CNTNAP5: variants seen among roughly 807,000 people sequenced by gnomAD.
The protein encoded by CNTNAP5 is contactin associated protein family member 5.
A neutral mutation model predicts 150.2 loss-of-function variants in CNTNAP5; 72 were observed. The observed-to-expected ratio is 0.48, with a 90% CI of 0.40 to 0.58. The LOEUF (loss-of-function observed/expected upper bound fraction) is 0.58, where lower values mean the gene tolerates loss of function less well. Among genes scored for constraint, CNTNAP5 ranks in the 20% least tolerant of loss-of-function variants. The pLI is 0.00. For missense variants in CNTNAP5, 1,636 were observed against 1,626.2 expected, an observed-to-expected ratio of 1.01 and a Z score of -0.10; for synonymous variants, 672 against 619.8, an observed-to-expected ratio of 1.08 and a Z score of -1.25.
chr2:124,526,671 C>G (rs1265245700), intron 9 of CNTNAP5, among the ~76,000 whole-genome samples: 1 of 152,166 alleles, frequency 6.6e-6, no homozygotes, highest in African/African-American at 2.4e-5. Context: ...TTCCCATATG[C>G]TATTACAGCC....
intron 19 of CNTNAP5, among the ~76,000 whole-genome samples, chr2:124,847,136 G>A (rs1163809860): frequency 6.6e-6 from 1 of 152,172 alleles, no homozygotes; most frequent in East Asian, 1.9e-4. Context: ...ACACCTGGCT[G>A]AGTATTCAGG....
chr2:124,434,439 A>G, intron 4 of CNTNAP5, 45 bp from the exon 5 acceptor site: 1 of 1,399,720 alleles, frequency 7.1e-7, no homozygotes, highest in Non-Finnish European at 1.0e-6. Flanking sequence ...AGCAGTCATG[A>G]GAATATGCAC....
At chr2:124,402,485 A>G (rs1352225988) in intron 3 of CNTNAP5, among the ~76,000 whole-genome samples, 3 of 152,188 alleles carry the variant, frequency 2.0e-5, no homozygotes, top group African/African-American at 7.2e-5. Context: ...GAGAGCCTAT[A>G]CCCACACAAC....
chr2:124,610,594 T>C (rs1677357755), intron 12 of CNTNAP5, among the ~76,000 whole-genome samples: 1 of 152,118 alleles, frequency 6.6e-6, no homozygotes, highest in Non-Finnish European at 1.5e-5. Context: ...GGCTTAGAAA[T>C]GACATATGAT....
chr2:124,053,326 T>C (rs1175844818), intron 1 of CNTNAP5, among the ~76,000 whole-genome samples: 1 of 148,110 alleles, frequency 6.8e-6, no homozygotes, highest in Non-Finnish European at 1.5e-5. Flanking sequence ...TTCACCTCTT[T>C]CTATTTATTT....
rs768295897 is a variant in CNTNAP5, at chr2:124,471,717, T to C, written c.919-3022T>C. Among the ~76,000 whole-genome samples the C allele has an allele frequency of 2.0e-5, 3 of 152,118 alleles. No homozygotes were observed. The South Asian group carries it at 6.2e-4, about 31-fold the overall frequency. On this transcript the variant is annotated intron_variant, in intron 6 of 23. Coordinates refer to ENST00000682447, the MANE Select transcript of CNTNAP5 (RefSeq NM_001367498.1). Reference sequence around the variant, plus strand: ...CTGTGGGCTTTTCATATGTGGGTCTTATTATTTTGAGGTATGTTCCTTCCA... The same window carrying C: ...CTGTGGGCTTTTCATATGTGGGTCTCATTATTTTGAGGTATGTTCCTTCCA...
rs572514465 is a variant in CNTNAP5, at chr2:124,285,804, A to G, written c.381+43411A>G. Among the ~76,000 whole-genome samples the G allele has an allele frequency of 2.0e-5, 3 of 152,180 alleles. No homozygotes were observed. The East Asian group carries it at 5.8e-4, about 30-fold the overall frequency. On this transcript the variant is annotated intron_variant, in intron 3 of 23. Transcript: ENST00000682447. ...GTGACAGAATGAGACCTTGTCTTGAAAAACAAACAAACAAACAAACGAAAA... is the reference window on the plus strand; with the variant it reads ...GTGACAGAATGAGACCTTGTCTTGAGAAACAAACAAACAAACAAACGAAAA...
chr2:124,413,991 A>T (rs1420605524), intron 3 of CNTNAP5, among the ~76,000 whole-genome samples: 1 of 151,962 alleles, frequency 6.6e-6, no homozygotes, highest in Non-Finnish European at 1.5e-5. Context: ...GGAAGGTAAG[A>T]GAGATTTGAG....
chr2:124,578,334 A>G (rs1477009197), intron 11 of CNTNAP5, among the ~76,000 whole-genome samples: 3 of 150,888 alleles, frequency 2.0e-5, no homozygotes, highest in African/African-American at 4.9e-5. Context: ...TTGTCTCAAA[A>G]AAAAAAAAAA....
At position 124,077,254 on chromosome 2, in the gene CNTNAP5, C is replaced by T. The variant is rs533810335; in HGVS notation, c.82+51522C>T. On this transcript the variant is annotated intron_variant, in intron 1 of 23. Coordinates refer to ENST00000682447, the MANE Select transcript of CNTNAP5 (RefSeq NM_001367498.1). ...TATAACTACACCGTGGATAACATAC[C>T]TCTAAATACGTCTCGGTGTATCCTC... is the stretch of plus-strand genomic sequence containing the variant. Among the ~76,000 whole-genome samples the T allele has an allele frequency of 2.6e-5, 4 of 152,138 alleles. No homozygotes were observed. The East Asian group carries it at 7.7e-4, about 29-fold the overall frequency.
At chr2:124,276,293 C>A (rs1442904565) in intron 3 of CNTNAP5, among the ~76,000 whole-genome samples, 1 of 152,174 alleles carries the variant, frequency 6.6e-6, no homozygotes, top group South Asian at 2.1e-4. Flanking sequence ...AAGGGCATAT[C>A]AGGCACACTT....
chr2:124,419,152 A>AAAAAAAAAAAACAC (rs58348022), intron 4 of CNTNAP5, among the ~76,000 whole-genome samples: 1 of 121,026 alleles, frequency 8.3e-6, no homozygotes, highest in African/African-American at 2.8e-5. Flanking sequence ...AAAAAAAAAA[A>AAAAAAAAAAAACAC]AAAAAAAAAA....
intron 11 of CNTNAP5, among the ~76,000 whole-genome samples, chr2:124,597,963 C>T (rs199790456): frequency 0.24 from 21,482 of 90,110 alleles, 2,508 homozygotes; most frequent in East Asian, 0.55. Flanking sequence ...GCATTCTTCA[C>T]TTAGTTCTCG....
intron 2 of CNTNAP5, among the ~76,000 whole-genome samples, chr2:124,223,701 G>C (rs1285522132): frequency 6.6e-6 from 1 of 151,894 alleles, no homozygotes; most frequent in African/African-American, 2.4e-5. Context: ...CTGACAGACA[G>C]ATATTGAGTG....
At chr2:124,242,760 A>G (rs966679491) in intron 3 of CNTNAP5, among the ~76,000 whole-genome samples, 1 of 152,202 alleles carries the variant, frequency 6.6e-6, no homozygotes, top group Non-Finnish European at 1.5e-5. Flanking sequence ...TTAGTTTATT[A>G]TATGCCAGGC....
chr2:124,461,041 G>T (rs1049003537), intron 6 of CNTNAP5, among the ~76,000 whole-genome samples: 6 of 152,148 alleles, frequency 3.9e-5, no homozygotes, highest in African/African-American at 1.2e-4. Context: ...GTGCTGGAGA[G>T]GATGTGGAGA....
At position 124,529,877 on chromosome 2, in the gene CNTNAP5, C is replaced by T. The variant is rs79746739; in HGVS notation, c.1649+2421C>T. ...CTCCATTTGCCTCTTTGTGGTTGTC[C>T]TACCCCTTCTTTTTCTCTCTCAAAG... On this transcript the variant is annotated intron_variant, in intron 10 of 23. Transcript: ENST00000682447. 4.8e-3 allele frequency among the ~76,000 whole-genome samples: 737 copies of T among 152,220 alleles called. 7 individuals are homozygous for T. Among genetic ancestry groups the T allele is most frequent in the African/African-American group, 0.017 (707 of 41,538 alleles).
intron 1 of CNTNAP5, among the ~76,000 whole-genome samples, chr2:124,082,864 G>A (rs1682591779): frequency 6.6e-6 from 1 of 152,026 alleles, no homozygotes; most frequent in South Asian, 2.1e-4. Context: ...ATCTCATTGT[G>A]GTTTTAATTT....
chr2:124,702,681 C>G (rs2105091723), intron 13 of CNTNAP5, among the ~76,000 whole-genome samples: 1 of 152,034 alleles, frequency 6.6e-6, no homozygotes, highest in East Asian at 1.9e-4. Flanking sequence ...TGCCCTATAT[C>G]AATTTTGTAC....
Sources: allele counts gnomAD v4.1 joint callset (sites outside exome capture counted in the v4.1 genomes callset), GRCh38; gene constraint gnomAD v4.1.1; transcripts MANE v1.5; gene names NCBI Gene and HGNC (gene_info 2026-07-23, HGNC 2026-07-21).